Variants in STK3 observed in about 807,000 individuals in gnomAD.
STK3 encodes the protein serine/threonine-protein kinase 3.
Under a neutral mutation model 58.0 loss-of-function variants are expected in STK3, and 41 were observed. That is an observed-to-expected ratio of 0.71 (90% CI 0.55 to 0.92). The LOEUF is 0.92. STK3 is among the 40% of genes least tolerant of loss of function. STK3 has a pLI of 0.00. For missense variants in STK3, 479 were observed against 602.7 expected, an observed-to-expected ratio of 0.79 and a Z score of 2.15; for synonymous variants, 170 against 191.0, an observed-to-expected ratio of 0.89 and a Z score of 0.91.
chr8:98,348,308 G>T, the STK3 span, among the ~76,000 whole-genome samples: 1 of 152,100 alleles, frequency 6.6e-6, no homozygotes, highest in Non-Finnish European at 1.5e-5. Flanking sequence ...AAAACTAGAA[G>T]AGTTAATAAA....
intron 1 of STK3, among the ~76,000 whole-genome samples, chr8:98,815,236 T>C (rs1834471962): frequency 1.3e-5 from 2 of 152,142 alleles, no homozygotes; most frequent in East Asian, 1.9e-4. Context: ...ACTTAGAAAA[T>C]AAATGTGTAG....
intron 8 of STK3, among the ~76,000 whole-genome samples, chr8:98,573,143 C>T (rs1028819968): frequency 2.0e-5 from 3 of 152,226 alleles, no homozygotes; most frequent in African/African-American, 7.2e-5. Flanking sequence ...GCCTGACAGC[C>T]TTTAAGAAAG....
At chr8:98,568,512 C>G (rs970200749) in intron 8 of STK3, among the ~76,000 whole-genome samples, 2 of 152,182 alleles carry the variant, frequency 1.3e-5, no homozygotes, top group African/African-American at 4.8e-5. Context: ...TAGTTCCACT[C>G]TTACACACAG....
chr8:98,855,070 C>T (rs1433187618), intron 3 of STK3, among the ~76,000 whole-genome samples: 1 of 151,970 alleles, frequency 6.6e-6, no homozygotes, highest in East Asian at 1.9e-4. Flanking sequence ...ACAACAACAA[C>T]AACAACAACA....
intron 6 of STK3, among the ~76,000 whole-genome samples, chr8:98,610,520 C>T (rs1292404430): frequency 1.3e-5 from 2 of 152,224 alleles, no homozygotes; most frequent in Non-Finnish European, 2.9e-5. Context: ...ACTCCTAAAA[C>T]AGTGCGGCAC....
At chr8:98,633,462 G>T in intron 6 of STK3, 1 of 581,276 alleles carries the variant, frequency 1.7e-6, no homozygotes, top group Admixed American at 2.8e-5. Flanking sequence ...AAATCAGTTG[G>T]TACTGATCCA....
At chr8:98,666,611 T>A (rs1822389263) in intron 6 of STK3, among the ~76,000 whole-genome samples, 1 of 152,216 alleles carries the variant, frequency 6.6e-6, no homozygotes, top group Non-Finnish European at 1.5e-5. Context: ...CATATAAATT[T>A]TCCTTTGGAG....
chr8:98,490,250 T>C (rs933241912), intron 10 of STK3, among the ~76,000 whole-genome samples: 5 of 152,218 alleles, frequency 3.3e-5, no homozygotes, highest in African/African-American at 9.6e-5. Flanking sequence ...GACCATCATC[T>C]TACTGGTATG....
chr8:98,770,599 T>A (rs567036016), intron 2 of STK3, among the ~76,000 whole-genome samples: 33 of 152,174 alleles, frequency 2.2e-4, no homozygotes, highest in Admixed American at 1.8e-3. Flanking sequence ...AGGAAGCATA[T>A]CAAAGGCTCA....
At chr8:98,670,705 C>T (rs957627336) in intron 6 of STK3, among the ~76,000 whole-genome samples, 1 of 152,176 alleles carries the variant, frequency 6.6e-6, no homozygotes, top group African/African-American at 2.4e-5. Context: ...TACCTGTGGC[C>T]CATGGGCCCC....
intron 4 of STK3, among the ~76,000 whole-genome samples, chr8:98,737,528 G>T (rs1385861041): frequency 7.2e-5 from 11 of 152,098 alleles, no homozygotes; most frequent in Non-Finnish European, 1.5e-5. Flanking sequence ...AAGGAACAGG[G>T]TCAGAGGAGT....
intron 10 of STK3, among the ~76,000 whole-genome samples, chr8:98,496,189 C>T (rs551333412): frequency 6.6e-6 from 1 of 152,102 alleles, no homozygotes; most frequent in East Asian, 1.9e-4. Context: ...TATATATTTG[C>T]TGAATTAATG....
chr8:98,428,756 C>T lies in STK3; in HGVS notation n.483+5371G>A, dbSNP rs755166876. On this transcript the variant is annotated intron_variant and non_coding_transcript_variant, in intron 3 of 3. Coordinates refer to the STK3 transcript ENST00000517832. The surrounding 1 kb of genome is among the most constrained non-coding windows in gnomAD (Gnocchi z 6.7). ...ACTTCCTCAAGTTCTTCAAGAATGC[C>T]CTAAACCTTATTGACCTCATGTCCA... The T allele has an allele frequency of 6.2e-7, 1 of 1,614,162 alleles. No homozygotes were observed. The highest frequency in any genetic ancestry group is 8.5e-7 in the Non-Finnish European group (1 of 1,180,032).
chr8:98,738,009 C>T (rs561048427), intron 4 of STK3, among the ~76,000 whole-genome samples: 21 of 151,864 alleles, frequency 1.4e-4, no homozygotes, highest in Admixed American at 3.9e-4. Context: ...CGCACCCGGC[C>T]GAATGATTTT....
At chr8:98,389,122 A>G (rs754107708), upstream of STK3, among the ~76,000 whole-genome samples, 1 of 152,094 alleles carries the variant, frequency 6.6e-6, no homozygotes, top group Non-Finnish European at 1.5e-5. Context: ...TGTTCAAGTG[A>G]TTTCCCCTTA....
chr8:98,374,686 C>T (rs1817654456), intron 2 of STK3, among the ~76,000 whole-genome samples: 1 of 152,006 alleles, frequency 6.6e-6, no homozygotes, highest in Admixed American at 6.5e-5. Context: ...GCAACTAAAC[C>T]TTCTCCTAGA....
chr8:98,590,552 G>A (rs985927788), intron 7 of STK3, among the ~76,000 whole-genome samples: 10 of 152,152 alleles, frequency 6.6e-5, no homozygotes, highest in African/African-American at 2.4e-4. Flanking sequence ...CTTTCTCAAG[G>A]AGCAAAAAGC....
At chr8:98,770,975 AAC>A (rs1283549937) in intron 2 of STK3, among the ~76,000 whole-genome samples, 1 of 152,176 alleles carries the variant, frequency 6.6e-6, no homozygotes, top group Non-Finnish European at 1.5e-5. Context: ...CACTGTATAA[AAC>A]AGTGTTTAAT....
At chr8:98,855,540 G>A (rs917329975) in intron 3 of STK3, among the ~76,000 whole-genome samples, 1 of 152,010 alleles carries the variant, frequency 6.6e-6, no homozygotes, top group Non-Finnish European at 1.5e-5. Flanking sequence ...TAATAGAAGA[G>A]CAAAAACTAT....
Sources: gnomAD v4.1 joint callset for allele counts (sites outside exome capture counted in the v4.1 genomes callset) on GRCh38, gnomAD v4.1.1 for gene constraint, Gnocchi (gnomAD v3.1) non-coding constraint, MANE v1.5 for transcripts, NCBI Gene and HGNC (gene_info 2026-07-23, HGNC 2026-07-21) for gene names.